Variants in CBLN2 observed in about 807,000 individuals in gnomAD.
The protein encoded by CBLN2 is cerebellin 2 precursor, also known as cerebellin-2.
CBLN2 carries 7 observed loss-of-function variants against 15.0 expected under a neutral mutation model. That is an observed-to-expected ratio of 0.47 (90% CI 0.27 to 0.88). The LOEUF (loss-of-function observed/expected upper bound fraction) is 0.88. CBLN2 is among the 40% of genes least tolerant of loss of function. CBLN2 has a pLI of 0.14. For synonymous variants in CBLN2, 149 were observed against 135.2 expected, an observed-to-expected ratio of 1.10 and a Z score of -0.71; for missense variants, 242 against 304.5, an observed-to-expected ratio of 0.79 and a Z score of 1.53.
At chr18:72,547,035 GC>G (rs2069162694), upstream of CBLN2, among the ~76,000 whole-genome samples, 1 of 151,800 alleles carries the variant, frequency 6.6e-6, no homozygotes, top group Non-Finnish European at 1.5e-5. Flanking sequence ...TAGGTTTACT[GC>G]AATACTATTC....
At chr18:72,618,655 A>T in intron 1 of CBLN2, 1 of 864,678 alleles carries the variant, frequency 1.2e-6, no homozygotes, top group Non-Finnish European at 1.9e-6. Context: ...GTCTGGAAAA[A>T]TCGAAGTGAT....
chr18:72,589,305 GA>G (rs1187734289), intron 1 of CBLN2, among the ~76,000 whole-genome samples: 1 of 152,196 alleles, frequency 6.6e-6, no homozygotes, highest in Non-Finnish European at 1.5e-5. Context: ...ACTGACAGGA[GA>G]AAAGCTCATA....
At chr18:72,613,849 T>C (rs919650523) in intron 1 of CBLN2, among the ~76,000 whole-genome samples, 2 of 152,220 alleles carry the variant, frequency 1.3e-5, no homozygotes, top group Non-Finnish European at 2.9e-5. Context: ...GATTTATTCC[T>C]GTACACCGTT....
At chr18:72,621,424 T>C (rs543998693) in intron 1 of CBLN2, among the ~76,000 whole-genome samples, 2 of 152,258 alleles carry the variant, frequency 1.3e-5, no homozygotes, top group African/African-American at 2.4e-5. Flanking sequence ...CTGAGCTTTT[T>C]CTTTGTAAAG....
At chr18:72,614,761 A>C (rs2069645630) in intron 1 of CBLN2, among the ~76,000 whole-genome samples, 1 of 152,054 alleles carries the variant, frequency 6.6e-6, no homozygotes, top group South Asian at 2.1e-4. Flanking sequence ...TATTAAATTC[A>C]TTCCTTTTGG....
chr18:72,580,647 T>C (rs909651862), intron 1 of CBLN2, among the ~76,000 whole-genome samples: 10 of 152,212 alleles, frequency 6.6e-5, no homozygotes, highest in African/African-American at 2.4e-4. Context: ...TGCTTTTGAA[T>C]TCATTTGTAT....
At chr18:72,576,157 C>A (rs2069365242) in intron 1 of CBLN2, among the ~76,000 whole-genome samples, 1 of 152,166 alleles carries the variant, frequency 6.6e-6, no homozygotes. Context: ...TATTTCTATG[C>A]AGCTTTTTGT....
chr18:72,559,620 T>C (rs903397602), intron 1 of CBLN2, among the ~76,000 whole-genome samples: 6 of 152,268 alleles, frequency 3.9e-5, no homozygotes, highest in Non-Finnish European at 8.8e-5. Context: ...ATTGTGTATT[T>C]GAAAAGAGAT....
At chr18:72,580,769 G>GT (rs2069397693) in intron 1 of CBLN2, among the ~76,000 whole-genome samples, 2 of 152,086 alleles carry the variant, frequency 1.3e-5, no homozygotes, top group African/African-American at 4.8e-5. Context: ...TTGAAATTAT[G>GT]TCAATTATGA....
intron 1 of CBLN2, among the ~76,000 whole-genome samples, chr18:72,635,804 C>A (rs939184700): frequency 2.4e-4 from 36 of 152,106 alleles, no homozygotes; most frequent in African/African-American, 8.4e-4. Flanking sequence ...AATTATCAAA[C>A]CATACTTAAT....
intron 1 of CBLN2, among the ~76,000 whole-genome samples, chr18:72,622,958 A>G (rs1412774746): frequency 1.3e-5 from 2 of 152,116 alleles, no homozygotes; most frequent in Admixed American, 6.6e-5. Context: ...ACTACCTGGG[A>G]CTGGGTAATT....
At chr18:72,565,937 A>G (rs1169919860) in intron 1 of CBLN2, among the ~76,000 whole-genome samples, 1 of 152,218 alleles carries the variant, frequency 6.6e-6, no homozygotes, top group African/African-American at 2.4e-5. Flanking sequence ...TTAATATCCA[A>G]TATACACAAG....
At chr18:72,560,629 C>G (rs1456958092) in intron 1 of CBLN2, among the ~76,000 whole-genome samples, 1 of 152,186 alleles carries the variant, frequency 6.6e-6, no homozygotes, top group Non-Finnish European at 1.5e-5. Flanking sequence ...AATAGTTACT[C>G]TCTGGTCTTT....
intron 1 of CBLN2, among the ~76,000 whole-genome samples, chr18:72,559,462 G>A (rs987380367): frequency 5.3e-5 from 8 of 152,228 alleles, no homozygotes; most frequent in African/African-American, 1.9e-4. Flanking sequence ...ATTTGACTCT[G>A]TTGGTGAGTT....
In CBLN2 at chr18:72,580,289, A is replaced by G. The variant is rs371381719; in HGVS notation, c.16-41517T>C. On this transcript the variant is annotated intron_variant, in intron 1 of 2. Transcript: ENST00000581073. ...TTGAACAGAGGTGTCAACTCTTTTTATTATAAAATACTAACTCATGCCAAA... is the reference window on the plus strand; with the variant it reads ...TTGAACAGAGGTGTCAACTCTTTTTGTTATAAAATACTAACTCATGCCAAA... 2.1e-4 allele frequency among the ~76,000 whole-genome samples: 32 copies of G among 152,312 alleles called. No individual in the cohort carries two copies. In the East Asian group the frequency reaches 3.3e-3, roughly 16 times the overall value.
At chr18:72,546,335 G>A (rs2069157915), upstream of CBLN2, among the ~76,000 whole-genome samples, 2 of 152,048 alleles carry the variant, frequency 1.3e-5, no homozygotes, top group African/African-American at 4.8e-5. Context: ...TACTCGGGAG[G>A]CTGAGGCAGG....
chr18:72,539,517 A>C (rs1052695345), intron 3 of CBLN2: 1 of 152,272 alleles, frequency 6.6e-6, no homozygotes, highest in African/African-American at 2.4e-5. Context: ...AATGAGCTTG[A>C]ATAAATAGAG....
chr18:72,546,441 C>CA (rs774107488), upstream of CBLN2, among the ~76,000 whole-genome samples: 5,966 of 120,558 alleles, frequency 0.049, 128 homozygotes, highest in South Asian at 0.079. Context: ...CGCTCTCTCT[C>CA]AAAAAAAAAA....
At chr18:72,574,453 A>T (rs1023129103) in intron 1 of CBLN2, among the ~76,000 whole-genome samples, 2 of 152,178 alleles carry the variant, frequency 1.3e-5, no homozygotes, top group African/African-American at 4.8e-5. Context: ...TGGCACCAGG[A>T]GAAGGGGGCT....
Sources: allele counts gnomAD v4.1 joint callset (sites outside exome capture counted in the v4.1 genomes callset), GRCh38; gene constraint gnomAD v4.1.1; transcripts MANE v1.5; gene names NCBI Gene and HGNC (gene_info 2026-07-23, HGNC 2026-07-21).